The following ZSCAN5A variants were observed in gnomAD, a reference collection of about 807,000 sequenced individuals.
ZSCAN5A encodes the protein zinc finger and SCAN domain containing 5A.
In ZSCAN5A, 12 loss-of-function variants were observed where a neutral mutation model predicts 23.7. That is an observed-to-expected ratio of 0.51 (90% CI 0.32 to 0.82). The LOEUF is 0.82. Ranked by LOEUF, ZSCAN5A falls within the 40% of genes least tolerant of loss-of-function variation. The pLI is 0.03. For missense variants in ZSCAN5A, 597 were observed against 617.9 expected, an observed-to-expected ratio of 0.97 and a Z score of 0.36; for synonymous variants, 257 against 239.9, an observed-to-expected ratio of 1.07 and a Z score of -0.66.
Position 56,351,965 on chromosome 19 carries a change from C to T in ZSCAN5A, c.-358+11270G>A, listed in dbSNP as rs1259762813. Among the ~76,000 whole-genome samples the T allele has an allele frequency of 2.0e-5, 3 of 152,186 alleles. No individual in the cohort carries two copies. The highest frequency in any genetic ancestry group is 7.2e-5 in the African/African-American group (3 of 41,434). On this transcript the variant is annotated intron_variant, in intron 2 of 6. Transcript: ENST00000587340. This position sits in a 1 kb window ranked among gnomAD's most constrained non-coding sequence, Gnocchi z 4.8. ...GTGTTGCGGGATGAAGATGTCATTA[C>T]ACTTTCTTACCCAAAGTCAGGTAGG...
chr19:56,227,562 C>T (rs546418451), intron 2 of ZSCAN5A, among the ~76,000 whole-genome samples: 1 of 152,178 alleles, frequency 6.6e-6, no homozygotes, highest in East Asian at 1.9e-4. Context: ...TAGTTCATTC[C>T]CCGTTAAAGT....
chr19:56,337,434 G>T (rs113724089), intron 2 of ZSCAN5A, among the ~76,000 whole-genome samples: 2 of 152,180 alleles, frequency 1.3e-5, no homozygotes, highest in African/African-American at 4.8e-5. Flanking sequence ...CATTGGAAAA[G>T]TGCAGTATTA....
At chr19:56,244,875 G>C (rs1600077397) in intron 2 of ZSCAN5A, among the ~76,000 whole-genome samples, 1 of 151,900 alleles carries the variant, frequency 6.6e-6, no homozygotes, top group Non-Finnish European at 1.5e-5. Flanking sequence ...AGCAGGGAAA[G>C]TGGTTGGTAT....
Position 56,221,428 on chromosome 19 carries a change from T to C in ZSCAN5A, c.*147A>G. 1.1e-6 allele frequency: 1 copy of C among 914,360 alleles called. No homozygotes were observed. The highest frequency in any genetic ancestry group is 1.6e-6 in the Non-Finnish European group (1 of 615,050). The allele number at this position is 914,360 out of a possible 1,614,324, so 56.6% of individuals were successfully genotyped here. A position where few individuals can be genotyped will look rare whatever the true frequency, so the allele number is the denominator to read the frequency against. On this transcript the variant is annotated 3_prime_UTR_variant, in exon 6 of 6. Transcript: ENST00000683990. ...CAAAGCTCAGTGGGGAGGACACATA[T>C]TTACTCAAACATCCTGGCAATTCAT...
At chr19:56,279,819 T>C (rs2038547754) in intron 2 of ZSCAN5A, among the ~76,000 whole-genome samples, 1 of 152,204 alleles carries the variant, frequency 6.6e-6, no homozygotes, top group South Asian at 2.1e-4. Context: ...TTTGTTTCAA[T>C]TTAAAATATT....
At chr19:56,340,380 A>C (rs1378489369) in intron 2 of ZSCAN5A, among the ~76,000 whole-genome samples, 1 of 152,224 alleles carries the variant, frequency 6.6e-6, no homozygotes, top group Non-Finnish European at 1.5e-5. Context: ...GAGGAAGCAG[A>C]GTTCTAAGGT....
At chr19:56,246,670 T>G in intron 2 of ZSCAN5A, 1 of 841,356 alleles carries the variant, frequency 1.2e-6, no homozygotes, top group Non-Finnish European at 1.9e-6. Context: ...TTGGTTGCAA[T>G]GAGTTTGGTG....
chr19:56,247,716 G>T (rs546529923), intron 2 of ZSCAN5A, among the ~76,000 whole-genome samples: 1 of 151,996 alleles, frequency 6.6e-6, no homozygotes, highest in African/African-American at 2.4e-5. Context: ...TTTTGAGACG[G>T]AGTCTTGTTC....
Position 56,307,580 on chromosome 19 carries a change from A to G in ZSCAN5A, c.-128+5703T>C, listed in dbSNP as rs1317270049. ...CTGCTGTCTTACGTTACTCTCTTTTACCCCGTATCTTGCAGTGTTTCCTTT... is the reference window on the plus strand; with the variant it reads ...CTGCTGTCTTACGTTACTCTCTTTTGCCCCGTATCTTGCAGTGTTTCCTTT... On this transcript the variant is annotated intron_variant, in intron 2 of 5. Transcript: ENST00000683990. 4.6e-5 allele frequency among the ~76,000 whole-genome samples: 7 copies of G among 152,166 alleles called. No individual in the cohort carries two copies. In the East Asian group the frequency reaches 1.2e-3, roughly 25 times the overall value.
chr19:56,331,800 G>A (rs2147437730), intron 2 of ZSCAN5A, among the ~76,000 whole-genome samples: 1 of 151,846 alleles, frequency 6.6e-6, no homozygotes, highest in East Asian at 1.9e-4. Flanking sequence ...TGGCCAGGCT[G>A]GTCTTGAACT....
intron 2 of ZSCAN5A, among the ~76,000 whole-genome samples, chr19:56,270,189 G>A (rs1201859159): frequency 6.6e-6 from 1 of 151,964 alleles, no homozygotes; most frequent in Non-Finnish European, 1.5e-5. Flanking sequence ...GGAGGCCGAG[G>A]TGGGTGGATC....
At chr19:56,319,731 G>A (rs1045286070), upstream of ZSCAN5A, 1 of 674,000 alleles carries the variant, frequency 1.5e-6, no homozygotes, top group African/African-American at 1.8e-5. Context: ...AACAAGACCT[G>A]TTTAACAAAC....
At chr19:56,232,846 T>C (rs1301763859) in intron 2 of ZSCAN5A, among the ~76,000 whole-genome samples, 1 of 152,040 alleles carries the variant, frequency 6.6e-6, no homozygotes, top group African/African-American at 2.4e-5. Flanking sequence ...GCCTGGCTAA[T>C]TGTTTTGTAT....
chr19:56,235,555 G>A lies in ZSCAN5A; in HGVS notation c.-127-10382C>T, dbSNP rs372723471. Among the ~76,000 whole-genome samples, 38 of 59,006 alleles carry A rather than the reference G, an allele frequency of 6.4e-4. No individual in the cohort carries two copies. In the East Asian group the frequency reaches 0.019, roughly 29 times the overall value. 38.7% of individuals were successfully genotyped at this position (59,006 alleles called of 152,430 possible). ...CCTCCACTCCAGCCTCTGATTGACC[G>A]TGGGCCAAGTCTCCACTCCAGCCTC... On this transcript the variant is annotated intron_variant, in intron 2 of 5. Transcript: ENST00000683990.
chr19:56,276,398 A>G (rs1274302216), intron 2 of ZSCAN5A, among the ~76,000 whole-genome samples: 2 of 152,114 alleles, frequency 1.3e-5, no homozygotes, highest in African/African-American at 4.8e-5. Context: ...GCAGATCTCC[A>G]TTAGAATAAC....
chr19:56,225,118 C>A lies in ZSCAN5A; in HGVS notation c.-72G>T, dbSNP rs2033789699. The stretch of plus-strand genomic sequence containing the variant: ...TAGCTGGTATCTAATTGATACCTAT[C>A]TACACAGGCTTCCTCTGGTTTTCCT... On this transcript the variant is annotated 5_prime_UTR_variant, in exon 3 of 6. An upstream open reading frame in the 5' UTR loses its in-frame stop. Coordinates refer to ENST00000683990, the MANE Select transcript of ZSCAN5A (RefSeq NM_001322064.3). 2 of 1,507,412 alleles carry A rather than the reference C, an allele frequency of 1.3e-6. No individual in the cohort carries two copies. Among genetic ancestry groups the A allele is most frequent in the Non-Finnish European group, 8.8e-7 (1 of 1,136,424 alleles). 93.4% of individuals were successfully genotyped at this position (1,507,412 alleles called of 1,614,324 possible). A position where few individuals can be genotyped will look rare whatever the true frequency, so the allele number is the denominator to read the frequency against.
At chr19:56,343,052 A>G (rs2041606683) in intron 2 of ZSCAN5A, 2 of 812,904 alleles carry the variant, frequency 2.5e-6, no homozygotes, top group East Asian at 2.4e-5. Flanking sequence ...CTGTCAGACA[A>G]CCTTGGCTTG....
chr19:56,259,030 T>C (rs978781461), intron 2 of ZSCAN5A, among the ~76,000 whole-genome samples: 1 of 151,984 alleles, frequency 6.6e-6, no homozygotes, highest in African/African-American at 2.4e-5. Flanking sequence ...GAGATCCAGC[T>C]CTAGTCAGCA....
chr19:56,225,269 G>T, intron 2 of ZSCAN5A, 96 bp from the exon 3 acceptor site: 1 of 1,205,436 alleles, frequency 8.3e-7, no homozygotes, highest in Non-Finnish European at 1.1e-6. Flanking sequence ...TTCTTCAGCA[G>T]CATCGAATTC....
Sources: gnomAD v4.1 joint callset for allele counts (sites outside exome capture counted in the v4.1 genomes callset) on GRCh38, gnomAD v4.1.1 for gene constraint, Gnocchi (gnomAD v3.1) non-coding constraint, MANE v1.5 for transcripts, NCBI Gene and HGNC (gene_info 2026-07-23, HGNC 2026-07-21) for gene names.